Variants in SMARCAD1 observed in about 807,000 individuals in gnomAD.
The protein encoded by SMARCAD1 is SWI/SNF-related matrix-associated actin-dependent regulator of chromatin subfamily A containing DEAD/H box 1.
Under a neutral mutation model 127.1 loss-of-function variants are expected in SMARCAD1, and 25 were observed. The observed-to-expected ratio is 0.20, with a 90% CI of 0.14 to 0.27. SMARCAD1 has a LOEUF of 0.27. Ranked by LOEUF, SMARCAD1 falls within the 10% of genes least tolerant of loss-of-function variation. SMARCAD1 has a pLI of 1.00. For missense variants in SMARCAD1, 807 were observed against 1,206.0 expected (o/e 0.67, Z 4.90); for synonymous variants, 400 against 396.9 (o/e 1.01, Z -0.09).
chr4:94,252,548 T>C, intron 8 of SMARCAD1, 68 bp from the exon 9 acceptor site: 1 of 1,139,312 alleles, frequency 8.8e-7, no homozygotes, highest in Non-Finnish European at 1.2e-6. Flanking sequence ...TTTTAAGTTT[T>C]TATTTGAAGT....
chr4:94,260,896 A>G (rs1750876401), intron 9 of SMARCAD1, among the ~76,000 whole-genome samples: 1 of 152,188 alleles, frequency 6.6e-6, no homozygotes, highest in African/African-American at 2.4e-5. Flanking sequence ...AATAAATAAA[A>G]AGACATCAAA....
In SMARCAD1 at chr4:94,278,528, T is replaced by G; in HGVS notation, c.2178+11T>G. On this transcript the variant is annotated intron_variant, in intron 17 of 23. Transcript: ENST00000354268. The stretch of plus-strand genomic sequence containing the variant: ...AGAGTAAAAGAAGAGGTAATGCATA[T>G]CTACATGTTTTTTATTTTTATTGTT... 1 of 1,608,842 alleles carries G rather than the reference T, an allele frequency of 6.2e-7. No individual in the cohort carries two copies. The highest frequency in any genetic ancestry group is 8.5e-7 in the Non-Finnish European group (1 of 1,175,606).
chr4:94,276,569 T>C, intron 15 of SMARCAD1, 95 bp downstream of exon 15: 1 of 1,433,464 alleles, frequency 7.0e-7, no homozygotes, highest in Non-Finnish European at 9.5e-7. Flanking sequence ...CTGTATTATG[T>C]AGTTTAATAT....
At chr4:94,229,703 A>T (rs908330074) in intron 3 of SMARCAD1, among the ~76,000 whole-genome samples, 3 of 151,870 alleles carry the variant, frequency 2.0e-5, no homozygotes, top group Admixed American at 2.0e-4. Context: ...GGTAGGAATT[A>T]ATGTCATTGC....
At position 94,276,557 on chromosome 4, in the gene SMARCAD1, A is replaced by C; in HGVS notation, c.1944+83A>C. ...AATATATGTAGTATTTATTAGCAGAATCTGTATTATGTAGTTTAATATATG... is the reference window on the plus strand; with the variant it reads ...AATATATGTAGTATTTATTAGCAGACTCTGTATTATGTAGTTTAATATATG... On this transcript the variant is annotated intron_variant, in intron 15 of 23. Transcript: ENST00000354268. The C allele has an allele frequency of 3.3e-6, 5 of 1,498,144 alleles. No homozygotes were observed. The Middle Eastern group carries it at 9.0e-4, about 269-fold the overall frequency. The allele number at this position is 1,498,144 out of a possible 1,614,324, so 92.8% of individuals were successfully genotyped here.
In SMARCAD1 at chr4:94,283,205, T is replaced by C. The variant is rs1403270420; in HGVS notation, c.2811T>C (p.Asn937=). ...CAAAAGCTGGTGGATTAGGAATAAA[T>C]CTGACTTCAGCAAATGTTGTTATAC... ...LSTKAGGLGI[N]LTSANVVILH... The change falls in exon 22 of 24, where the codon AAT becomes AAC. Residue 937 remains asparagine, a synonymous_variant. Transcript: ENST00000354268. 3 of 1,613,712 alleles carry C rather than the reference T, an allele frequency of 1.9e-6. No homozygotes were observed. The highest frequency in any genetic ancestry group is 2.5e-6 in the Non-Finnish European group (3 of 1,179,960).
At chr4:94,228,855 CTT>C (rs1382223611) in intron 3 of SMARCAD1, among the ~76,000 whole-genome samples, 42 of 152,122 alleles carry the variant, frequency 2.8e-4, no homozygotes, top group Non-Finnish European at 1.8e-4. Context: ...ATTTCTCAGT[CTT>C]TTTCTGTTTC....
chr4:94,274,606 C>A, intron 12 of SMARCAD1, 132 bp from the exon 13 acceptor site: 1 of 885,428 alleles, frequency 1.1e-6, no homozygotes, highest in Non-Finnish European at 1.8e-6. Context: ...CATGAGCCAC[C>A]TTGCTGGGCC....
intron 2 of SMARCAD1, among the ~76,000 whole-genome samples, chr4:94,217,718 T>G (rs556255832): frequency 6.6e-6 from 1 of 152,358 alleles, no homozygotes; most frequent in East Asian, 1.9e-4. Flanking sequence ...AGTACAGATT[T>G]AATTATATGT....
chr4:94,281,695 T>C (rs969577718), intron 21 of SMARCAD1, 105 bp downstream of exon 21: 13 of 793,298 alleles, frequency 1.6e-5, no homozygotes, highest in Non-Finnish European at 2.8e-5. Flanking sequence ...GTTTTTATGT[T>C]TGATTACTTC....
Position 94,290,581 on chromosome 4 carries a change from G to A in SMARCAD1, c.*1047G>A. Reference sequence around the variant, plus strand: ...CCAGTTTCCAGAATTTCCAGTACAGGACCGCCTGAAGAGAGAGCCATTGTT... The same window carrying A: ...CCAGTTTCCAGAATTTCCAGTACAGAACCGCCTGAAGAGAGAGCCATTGTT... On this transcript the variant is annotated 3_prime_UTR_variant, in exon 24 of 24. Transcript: ENST00000354268. 2 of 454,430 alleles carry A rather than the reference G, an allele frequency of 4.4e-6. No individual in the cohort carries two copies. The highest frequency in any genetic ancestry group is 4.4e-6 in the Non-Finnish European group (1 of 226,730). 28.1% of individuals were successfully genotyped at this position (454,430 alleles called of 1,614,324 possible).
chr4:94,274,513 C>T (rs868835946), intron 12 of SMARCAD1, among the ~76,000 whole-genome samples: 2 of 152,162 alleles, frequency 1.3e-5, no homozygotes, highest in Admixed American at 6.5e-5. Flanking sequence ...GATGGGGTTT[C>T]ACCATGTTGG....
At position 94,259,720 on chromosome 4, in the gene SMARCAD1, C is replaced by A. The variant is rs541027632; in HGVS notation, c.1282-4987C>A. Among the ~76,000 whole-genome samples the A allele has an allele frequency of 1.6e-4, 24 of 152,208 alleles. No homozygotes were observed. In the South Asian group the frequency reaches 3.5e-3, roughly 22 times the overall value. ...AAGCACACAGTGTTATAATGAACCCCCATGTGTTTCTTCCATACTCTTGTC... is the reference window on the plus strand; with the variant it reads ...AAGCACACAGTGTTATAATGAACCCACATGTGTTTCTTCCATACTCTTGTC... On this transcript the variant is annotated intron_variant, in intron 9 of 23. Coordinates refer to ENST00000354268, the MANE Select transcript of SMARCAD1 (RefSeq NM_020159.5).
intron 5 of SMARCAD1, among the ~76,000 whole-genome samples, chr4:94,238,229 T>C (rs1747008413): frequency 1.3e-5 from 2 of 152,180 alleles, no homozygotes; most frequent in Non-Finnish European, 2.9e-5. Flanking sequence ...AAGGAGACAG[T>C]ATTTTGTGGG....
Position 94,208,017 on chromosome 4 carries a change from G to C in SMARCAD1, c.-103G>C. The C allele has an allele frequency of 2.5e-6, 1 of 407,652 alleles. No individual in the cohort carries two copies. Among genetic ancestry groups the C allele is most frequent in the Non-Finnish European group, 4.8e-6 (1 of 206,628 alleles). 25.3% of individuals were successfully genotyped at this position (407,652 alleles called of 1,614,324 possible). A position where few individuals can be genotyped will look rare whatever the true frequency, so the allele number is the denominator to read the frequency against. ...GCACAGGGAGCTTCTCTTTGTGGGCGGGCGCGAGGCCCGCTAGGGGGTTAT... is the reference window on the plus strand; with the variant it reads ...GCACAGGGAGCTTCTCTTTGTGGGCCGGCGCGAGGCCCGCTAGGGGGTTAT... On this transcript the variant is annotated 5_prime_UTR_variant, in exon 1 of 24. Transcript: ENST00000354268.
intron 9 of SMARCAD1, chr4:94,253,518 A>G: frequency 5.3e-6 from 6 of 1,129,374 alleles, no homozygotes; most frequent in Non-Finnish European, 6.6e-6. Context: ...TTTCTTCTAA[A>G]AGTAACAGCT....
chr4:94,228,831 T>A (rs1414807814), intron 3 of SMARCAD1, among the ~76,000 whole-genome samples: 1 of 152,184 alleles, frequency 6.6e-6, no homozygotes, highest in African/African-American at 2.4e-5. Context: ...TTTAAACTCA[T>A]TTAATCTGAA....
chr4:94,234,366 G>GT (rs1746310229), intron 4 of SMARCAD1, among the ~76,000 whole-genome samples: 1 of 152,088 alleles, frequency 6.6e-6, no homozygotes. Context: ...TAGGTTGTGA[G>GT]TTTTTTTGTG....
At chr4:94,220,256 T>C (rs1579025108) in intron 2 of SMARCAD1, among the ~76,000 whole-genome samples, 1 of 152,160 alleles carries the variant, frequency 6.6e-6, no homozygotes, top group South Asian at 2.1e-4. Context: ...TTTATTATTA[T>C]TATTTTTTTG....
Sources: gnomAD v4.1 joint callset for allele counts (sites outside exome capture counted in the v4.1 genomes callset) on GRCh38, gnomAD v4.1.1 for gene constraint, MANE v1.5 for transcripts, NCBI Gene and HGNC (gene_info 2026-07-23, HGNC 2026-07-21) for gene names.